Variants in INPP5F observed in about 807,000 individuals in gnomAD.
INPP5F encodes the protein inositol polyphosphate-5-phosphatase F, also known as phosphatidylinositide 4-phosphatase SAC2.
In INPP5F, 97 loss-of-function variants were observed where a neutral mutation model predicts 137.2. The ratio of observed to expected loss-of-function variants is 0.71; its 90% confidence interval spans 0.60 to 0.84. The LOEUF is 0.84. Among genes scored for constraint, INPP5F ranks in the 40% least tolerant of loss-of-function variants. The pLI is 0.00. For synonymous variants in INPP5F, 504 were observed against 476.9 expected (o/e 1.06, Z -0.74); for missense variants, 1,271 against 1,371.9 (o/e 0.93, Z 1.16).
chr10:119,781,614 A>T lies in INPP5F; in HGVS notation c.179-21A>T, dbSNP rs764587834. On this transcript the variant is annotated intron_variant, in intron 2 of 19. Coordinates refer to ENST00000650623, the MANE Select transcript of INPP5F (RefSeq NM_014937.4). ...TAGCACTCTAAAAACGCCAGACTTT[A>T]TTATGACTCTCCTCTTTCAGATCTT... 3 of 1,593,390 alleles carry T rather than the reference A, an allele frequency of 1.9e-6. No homozygotes were observed. The East Asian group carries it at 6.7e-5, about 36-fold the overall frequency.
intron 2 of INPP5F, among the ~76,000 whole-genome samples, chr10:119,767,255 G>C (rs1326074266): frequency 6.6e-6 from 1 of 151,894 alleles, no homozygotes; most frequent in African/African-American, 2.4e-5. Context: ...ATCATACATG[G>C]GGCTTAACTT....
chr10:119,817,339 C>A (rs1351770223), intron 15 of INPP5F, among the ~76,000 whole-genome samples: 4 of 152,126 alleles, frequency 2.6e-5, no homozygotes, highest in African/African-American at 7.2e-5. Flanking sequence ...TTAAATAGTT[C>A]TTTTGGGTGG....
At position 119,726,122 on chromosome 10, in the gene INPP5F, G is replaced by C. The variant is rs904007202; in HGVS notation, c.-141G>C. ...TCTCCTCCTACCGGTCGGGTGCCCCGGGGCGTTCCCTCTGCCGCTGCTTCT... is the reference window on the plus strand; with the variant it reads ...TCTCCTCCTACCGGTCGGGTGCCCCCGGGCGTTCCCTCTGCCGCTGCTTCT... On this transcript the variant is annotated 5_prime_UTR_variant, in exon 1 of 20. Transcript: ENST00000650623. The C allele has an allele frequency of 1.4e-5, 6 of 430,304 alleles. No individual in the cohort carries two copies. The highest frequency in any genetic ancestry group is 2.3e-5 in the Non-Finnish European group (6 of 257,652). 26.7% of individuals were successfully genotyped at this position (430,304 alleles called of 1,614,324 possible).
chr10:119,806,919 C>T (rs1285550256), intron 12 of INPP5F, among the ~76,000 whole-genome samples: 1 of 151,836 alleles, frequency 6.6e-6, no homozygotes, highest in African/African-American at 2.4e-5. Flanking sequence ...TTTCTTCCTC[C>T]TGTCTCATGG....
chr10:119,769,978 T>G lies in INPP5F; in HGVS notation c.179-11657T>G, dbSNP rs1464246347. Among the ~76,000 whole-genome samples the G allele has an allele frequency of 1.3e-4, 20 of 152,324 alleles. No individual in the cohort carries two copies. The South Asian group carries it at 3.7e-3, about 28-fold the overall frequency. Reference sequence around the variant, plus strand: ...AACCGTAATGCAGGAGAAAAATTTTTTTTTCTAAAGTGGTATGAAAATCTT... The same window carrying G: ...AACCGTAATGCAGGAGAAAAATTTTGTTTTCTAAAGTGGTATGAAAATCTT... On this transcript the variant is annotated intron_variant, in intron 2 of 19. Transcript: ENST00000650623.
intron 15 of INPP5F, among the ~76,000 whole-genome samples, chr10:119,820,400 A>G (rs1466123216): frequency 1.3e-5 from 2 of 152,240 alleles, no homozygotes; most frequent in Admixed American, 6.5e-5. Flanking sequence ...CTTTCAAAAG[A>G]TGCCTTCCAC....
At chr10:119,759,048 A>G (rs1009253843) in intron 2 of INPP5F, among the ~76,000 whole-genome samples, 1 of 152,204 alleles carries the variant, frequency 6.6e-6, no homozygotes, top group African/African-American at 2.4e-5. Context: ...GAGAGAAACA[A>G]GAGGGTCTGA....
chr10:119,805,969 G>C (rs969867967), intron 11 of INPP5F, among the ~76,000 whole-genome samples: 19 of 152,236 alleles, frequency 1.2e-4, no homozygotes, highest in Non-Finnish European at 2.5e-4. Flanking sequence ...TCCTCACTGG[G>C]GGGTAAAATA....
At chr10:119,739,922 AGTCT>A (rs1474147801) in intron 1 of INPP5F, among the ~76,000 whole-genome samples, 1 of 152,064 alleles carries the variant, frequency 6.6e-6, no homozygotes, top group African/African-American at 2.4e-5. Flanking sequence ...CCCAGTCAGT[AGTCT>A]GTCTTTTCAT....
At chr10:119,825,343 G>T (rs561096789) in intron 19 of INPP5F, among the ~76,000 whole-genome samples, 5 of 152,204 alleles carry the variant, frequency 3.3e-5, no homozygotes, top group African/African-American at 1.2e-4. Context: ...CTTATCCTCA[G>T]TTTCAAGAAA....
intron 15 of INPP5F, chr10:119,816,597 C>T (rs1416165355): frequency 6.6e-6 from 1 of 152,234 alleles, no homozygotes; most frequent in Non-Finnish European, 1.5e-5. Context: ...GATTTGGAAA[C>T]CTGCTCTTGG....
At chr10:119,744,714 G>A (rs533530192) in intron 1 of INPP5F, among the ~76,000 whole-genome samples, 80 of 152,112 alleles carry the variant, frequency 5.3e-4, no homozygotes, top group Non-Finnish European at 9.0e-4. Flanking sequence ...GCCACACCTG[G>A]TTAATATTTT....
intron 6 of INPP5F, among the ~76,000 whole-genome samples, chr10:119,793,428 A>G (rs1255503564): frequency 1.3e-5 from 2 of 151,926 alleles, no homozygotes; most frequent in East Asian, 1.9e-4. Context: ...ACAAAACAAA[A>G]CAAAACAAAA....
At chr10:119,769,948 T>C (rs61867896) in intron 2 of INPP5F, among the ~76,000 whole-genome samples, 6,623 of 149,992 alleles carry the variant, frequency 0.044, 240 homozygotes, top group South Asian at 0.22. Context: ...TCTGTTTCTC[T>C]AGAGAACCGT....
At chr10:119,746,386 T>A (rs982297403) in intron 1 of INPP5F, among the ~76,000 whole-genome samples, 1 of 152,214 alleles carries the variant, frequency 6.6e-6, no homozygotes, top group Non-Finnish European at 1.5e-5. Flanking sequence ...AACTGTGGTC[T>A]GTTCATCTAA....
intron 3 of INPP5F, among the ~76,000 whole-genome samples, chr10:119,790,540 A>T (rs1216477043): frequency 6.6e-6 from 1 of 152,194 alleles, no homozygotes; most frequent in Non-Finnish European, 1.5e-5. Context: ...TCCAAATTTG[A>T]TAAAACAGGG....
In INPP5F at chr10:119,810,188, T is replaced by G; in HGVS notation, c.1658T>G (p.Phe553Cys). 1.2e-6 allele frequency: 2 copies of G among 1,608,938 alleles called. No homozygotes were observed. Among genetic ancestry groups the G allele is most frequent in the Non-Finnish European group, 1.7e-6 (2 of 1,175,502 alleles). ...NSANRYYLNR[F>C]KDAYRQAVID... ...GCAAACAGATATTACCTCAACCGATTTAAGGATGCTTATAGGCAAGCTGTT... is the reference window on the plus strand; with the variant it reads ...GCAAACAGATATTACCTCAACCGATGTAAGGATGCTTATAGGCAAGCTGTT... The change falls in exon 14 of 20, where the codon TTT (phenylalanine) becomes TGT (cysteine). Residue 553 changes from phenylalanine (F) to cysteine (C), a missense_variant. By Grantham distance (205) the Phe-to-Cys change is radical. Around this residue, in one of 6 missense-constraint regions of INPP5F, gnomAD observed 593 missense variants for 712.4 expected, o/e 0.83. Transcript: ENST00000650623.
chr10:119,729,948 G>GT lies in INPP5F; in HGVS notation c.97+3597dup, dbSNP rs933537538. ...TTTAACATTATTTAAACTTTTTCAGGTTTTTTTTCTCCTAGTTAAAAAACG... is the reference window on the plus strand; with the variant it reads ...TTTAACATTATTTAAACTTTTTCAGGTTTTTTTTTCTCCTAGTTAAAAAACG... On this transcript the variant is annotated intron_variant, in intron 1 of 19. Transcript: ENST00000650623. 2.0e-5 allele frequency among the ~76,000 whole-genome samples: 3 copies of GT among 150,578 alleles called. No individual in the cohort carries two copies. In the East Asian group the frequency reaches 5.8e-4, roughly 29 times the overall value.
At chr10:119,732,506 T>C (rs575341449) in intron 1 of INPP5F, among the ~76,000 whole-genome samples, 1 of 145,788 alleles carries the variant, frequency 6.9e-6, no homozygotes, top group South Asian at 2.2e-4. Context: ...TTTTCTTTTT[T>C]TTTTTTTTTT....
Sources: gnomAD v4.1 joint callset for allele counts (sites outside exome capture counted in the v4.1 genomes callset) on GRCh38, gnomAD v4.1.1 for gene constraint, gnomAD v4.1.1 regional missense constraint, MANE v1.5 for transcripts, NCBI Gene and HGNC (gene_info 2026-07-23, HGNC 2026-07-21) for gene names.